FSTL4: variants seen among roughly 807,000 people sequenced by gnomAD.
FSTL4 encodes follistatin-related protein 4.
A neutral mutation model predicts 78.2 loss-of-function variants in FSTL4; 28 were observed. The ratio of observed to expected loss-of-function variants is 0.36; its 90% CI spans 0.27 to 0.49. The LOEUF is 0.49. Ranked by LOEUF, FSTL4 falls within the 20% of genes least tolerant of loss-of-function variation. The pLI, the probability that FSTL4 is intolerant of heterozygous loss-of-function variation, is 0.98. For missense variants in FSTL4, 922 were observed against 1,084.9 expected (o/e 0.85, Z 2.11); for synonymous variants, 422 against 440.5 (o/e 0.96, Z 0.53).
intron 2 of FSTL4, among the ~76,000 whole-genome samples, chr5:133,593,981 G>C (rs1168179355): frequency 3.4e-5 from 5 of 145,844 alleles, no homozygotes; most frequent in African/African-American, 1.3e-4. Flanking sequence ...CCTTAGTACA[G>C]GGCCAGGCAC....
intron 7 of FSTL4, among the ~76,000 whole-genome samples, chr5:133,237,032 C>T (rs961477334): frequency 6.6e-6 from 1 of 152,148 alleles, no homozygotes; most frequent in African/African-American, 2.4e-5. Context: ...TACAGGGCAC[C>T]GAGCTAGGCT....
intron 4 of FSTL4, among the ~76,000 whole-genome samples, chr5:133,330,378 A>G (rs1380863404): frequency 6.6e-6 from 1 of 152,316 alleles, no homozygotes. Flanking sequence ...GCTTTTACTC[A>G]TGAAAGAAGG....
chr5:133,598,902 G>A (rs140466836), intron 2 of FSTL4, among the ~76,000 whole-genome samples: 61 of 152,264 alleles, frequency 4.0e-4, no homozygotes, highest in African/African-American at 1.3e-3. Flanking sequence ...AAATGCGAAC[G>A]TCCAGCTTGG....
At chr5:133,386,791 G>A (rs1220463422) in intron 4 of FSTL4, among the ~76,000 whole-genome samples, 2 of 152,096 alleles carry the variant, frequency 1.3e-5, no homozygotes, top group East Asian at 1.9e-4. Flanking sequence ...CCTGTGCAAC[G>A]AAGCCCTCAC....
At chr5:133,216,892 C>G (rs1750924787) in intron 13 of FSTL4, among the ~76,000 whole-genome samples, 1 of 152,342 alleles carries the variant, frequency 6.6e-6, no homozygotes, top group African/African-American at 2.4e-5. Context: ...CCTGGCATCT[C>G]ATTCACCTTG....
chr5:133,617,823 G>A, the FSTL4 span, among the ~76,000 whole-genome samples: 2 of 152,184 alleles, frequency 1.3e-5, no homozygotes, highest in Non-Finnish European at 2.9e-5. Flanking sequence ...GGGTGCTTAG[G>A]CAGAGATACG....
intron 2 of FSTL4, among the ~76,000 whole-genome samples, chr5:133,570,869 A>G (rs1229408018): frequency 6.6e-6 from 1 of 152,230 alleles, no homozygotes; most frequent in African/African-American, 2.4e-5. Context: ...CATAGAAGCC[A>G]AACAGAATAT....
intron 4 of FSTL4, among the ~76,000 whole-genome samples, chr5:133,325,941 C>T (rs1005183727): frequency 6.6e-6 from 1 of 152,240 alleles, no homozygotes; most frequent in African/African-American, 2.4e-5. Flanking sequence ...CTTCGATCTT[C>T]ACCACCAAAG....
chr5:133,232,177 G>A (rs1751513171), intron 8 of FSTL4, among the ~76,000 whole-genome samples: 1 of 152,206 alleles, frequency 6.6e-6, no homozygotes, highest in African/African-American at 2.4e-5. Context: ...CAGTGCTCGG[G>A]CCGCATCTCT....
At chr5:133,605,617 A>G (rs180738745) in intron 1 of FSTL4, among the ~76,000 whole-genome samples, 92 of 152,312 alleles carry the variant, frequency 6.0e-4, no homozygotes, top group African/African-American at 2.2e-3. Context: ...CTCCAGCTGG[A>G]GACAGAAATG....
chr5:133,648,315 A>G, the FSTL4 span, among the ~76,000 whole-genome samples: 3 of 152,250 alleles, frequency 2.0e-5, no homozygotes, highest in African/African-American at 7.2e-5. Flanking sequence ...AAATGTTCCA[A>G]ATCAGTTTAG....
At chr5:133,201,826 A>G in intron 15 of FSTL4, 107 bp downstream of exon 15, 1 of 628,980 alleles carries the variant, frequency 1.6e-6, no homozygotes, top group East Asian at 2.6e-5. Flanking sequence ...CCAGCATGGG[A>G]GTGGAGGAGA....
At chr5:133,608,574 G>A (rs1179762660) in intron 1 of FSTL4, among the ~76,000 whole-genome samples, 1 of 152,250 alleles carries the variant, frequency 6.6e-6, no homozygotes, top group South Asian at 2.1e-4. Context: ...TACATCTAGA[G>A]TGGGAGTTTG....
chr5:133,544,476 AG>A (rs1477071036), intron 3 of FSTL4, among the ~76,000 whole-genome samples: 1 of 152,246 alleles, frequency 6.6e-6, no homozygotes. Flanking sequence ...GGACTAGAAC[AG>A]TAAAACAATT....
At chr5:133,222,991 C>T (rs886408105) in intron 11 of FSTL4, among the ~76,000 whole-genome samples, 8 of 152,230 alleles carry the variant, frequency 5.3e-5, no homozygotes, top group Non-Finnish European at 8.8e-5. Flanking sequence ...TGCCCCAAGG[C>T]GGCTGTGGGT....
the FSTL4 span, among the ~76,000 whole-genome samples, chr5:133,802,512 C>T: frequency 3.9e-5 from 6 of 152,190 alleles, no homozygotes; most frequent in Non-Finnish European, 8.8e-5. Context: ...CGCCGTCATC[C>T]CCAGTCAGCC....
intron 3 of FSTL4, among the ~76,000 whole-genome samples, chr5:133,539,634 G>T (rs893272446): frequency 1.3e-5 from 2 of 152,060 alleles, no homozygotes; most frequent in Non-Finnish European, 2.9e-5. Flanking sequence ...GGCTCCGGTC[G>T]ACTCCAGGAA....
the FSTL4 span, among the ~76,000 whole-genome samples, chr5:133,650,673 G>A: frequency 2.0e-5 from 3 of 152,064 alleles, no homozygotes; most frequent in African/African-American, 7.2e-5. Context: ...GTAAAACACT[G>A]TCTTGATTAC....
the FSTL4 span, among the ~76,000 whole-genome samples, chr5:133,697,898 T>C: frequency 7.2e-6 from 1 of 138,742 alleles, no homozygotes; most frequent in African/African-American, 2.9e-5. Context: ...TCTGTCCCTG[T>C]CACCAGGGGA....
Sources: gnomAD v4.1 joint callset for allele counts (sites outside exome capture counted in the v4.1 genomes callset) on GRCh38, gnomAD v4.1.1 for gene constraint, MANE v1.5 for transcripts, NCBI Gene and HGNC (gene_info 2026-07-23, HGNC 2026-07-21) for gene names.